Variants in SARAF observed in about 807,000 individuals in gnomAD.
SARAF encodes store-operated calcium entry associated regulatory factor, also known as store-operated calcium entry-associated regulatory factor.
SARAF carries 23 observed loss-of-function variants against 39.7 expected under a neutral mutation model. The ratio of observed to expected loss-of-function variants is 0.58; its 90% CI spans 0.42 to 0.82. The LOEUF (loss-of-function observed/expected upper bound fraction) is 0.82. Among genes scored for constraint, SARAF ranks in the 40% least tolerant of loss-of-function variants. The probability of loss-of-function intolerance (pLI) is 0.00; values close to 1 mark genes in which losing one functional copy is unlikely to be tolerated. For missense variants in SARAF, 384 were observed against 418.5 expected (o/e 0.92, Z 0.72); for synonymous variants, 175 against 168.5 (o/e 1.04, Z -0.30).
intron 5 of SARAF, chr8:30,065,738 G>T: frequency 4.5e-6 from 2 of 443,398 alleles, no homozygotes; most frequent in East Asian, 4.5e-5. Context: ...TTAAATATAT[G>T]GGGAAGCTAG....
At chr8:30,083,080 T>C (rs1802151005), upstream of SARAF, 52 of 614,268 alleles carry the variant, frequency 8.5e-5, 2 homozygotes, top group South Asian at 1.1e-3. Context: ...ACTGCAGAGC[T>C]GCAGCCGCAA....
In SARAF at chr8:30,063,747, A is replaced by G; in HGVS notation, c.*141T>C. 1 of 714,472 alleles carries G rather than the reference A, an allele frequency of 1.4e-6. No homozygotes were observed. The highest frequency in any genetic ancestry group is 2.4e-6 in the Non-Finnish European group (1 of 411,670). The allele number at this position is 714,472 out of a possible 1,614,324, so 44.3% of individuals were successfully genotyped here. ...TTTAGCCTCAAATAATAGAATACAA[A>G]AAGCTACACTGGACATAACACCACA... On this transcript the variant is annotated 3_prime_UTR_variant, in exon 6 of 6. Coordinates refer to ENST00000256255, the MANE Select transcript of SARAF (RefSeq NM_016127.6).
At position 30,069,952 on chromosome 8, in the gene SARAF, A is replaced by G; in HGVS notation, c.390T>C (p.Cys130=). Reference sequence around the variant, plus strand: ...TATAATCTAAATTATACTCCAAGCCACAAGAACCTCTTAGTACATACTGGT... The same window carrying G: ...TATAATCTAAATTATACTCCAAGCCGCAAGAACCTCTTAGTACATACTGGT... ...SEDQYVLRGS[C]GLEYNLDYTE... The change falls in exon 3 of 6, where the codon TGT becomes TGC. Residue 130 remains cysteine (C), a synonymous_variant. Coordinates refer to ENST00000256255, the MANE Select transcript of SARAF (RefSeq NM_016127.6). 6.2e-7 allele frequency: 1 copy of G among 1,614,012 alleles called. No individual in the cohort carries two copies. The highest frequency in any genetic ancestry group is 8.5e-7 in the Non-Finnish European group (1 of 1,180,028).
chr8:30,076,005 C>CACAAAAAAAGAAAAAAAAAAAAAAAAA (rs1801955604), intron 1 of SARAF, among the ~76,000 whole-genome samples: 1 of 111,032 alleles, frequency 9.0e-6, no homozygotes, highest in African/African-American at 3.8e-5. Context: ...AAAAAAAAAA[C>CACAAAAAAAGAAAAAAAAAAAAAAAAA]AAAAAACGGG....
At chr8:30,064,561 A>ATTTTTTT (rs869277681) in intron 5 of SARAF, among the ~76,000 whole-genome samples, 4 of 46,236 alleles carry the variant, frequency 8.7e-5, no homozygotes, top group African/African-American at 4.5e-4. Context: ...ATATATATAT[A>ATTTTTTT]TTTTTTTTTT....
intron 4 of SARAF, among the ~76,000 whole-genome samples, chr8:30,066,440 C>T (rs2117420980): frequency 6.6e-6 from 1 of 152,206 alleles, no homozygotes; most frequent in South Asian, 2.1e-4. Context: ...AAGCTCTTTC[C>T]AGCCTTATTT....
intron 1 of SARAF, chr8:30,078,201 A>C: frequency 2.4e-6 from 1 of 408,940 alleles, no homozygotes; most frequent in South Asian, 1.8e-5. Context: ...AAAAGAAAGA[A>C]AGAAAATTAC....
chr8:30,079,227 T>G (rs1802045932), intron 1 of SARAF, among the ~76,000 whole-genome samples: 1 of 149,784 alleles, frequency 6.7e-6, no homozygotes, highest in African/African-American at 2.5e-5. Context: ...AAGGAAATTG[T>G]GAAACAAAAG....
chr8:30,063,079 A>G lies in SARAF; in HGVS notation c.*809T>C, dbSNP rs1255490025. The G allele has an allele frequency of 2.0e-5, 3 of 152,242 alleles. No individual in the cohort carries two copies. Among genetic ancestry groups the G allele is most frequent in the Non-Finnish European group, 4.4e-5 (3 of 68,048 alleles). 9.4% of individuals were successfully genotyped at this position (152,242 alleles called of 1,614,324 possible). A position where few individuals can be genotyped will look rare whatever the true frequency, so the allele number is the denominator to read the frequency against. ...AACATTTATTTGCGCCTAGGCTAAT[A>G]GAAAGAATGAGACTAAACCCCTTGT... On this transcript the variant is annotated 3_prime_UTR_variant, in exon 6 of 6. Transcript: ENST00000256255.
Position 30,063,398 on chromosome 8 carries a change from G to C in SARAF, c.*490C>G, listed in dbSNP as rs955423780. The C allele has an allele frequency of 6.4e-6, 1 of 155,338 alleles. No homozygotes were observed. 9.6% of individuals were successfully genotyped at this position (155,338 alleles called of 1,614,324 possible). A position where few individuals can be genotyped will look rare whatever the true frequency, so the allele number is the denominator to read the frequency against. ...AAGCTTCAGAGCTCAAAAGTGATCAGAACTCACAAATTAGCATAATTAGTC... is the reference window on the plus strand; with the variant it reads ...AAGCTTCAGAGCTCAAAAGTGATCACAACTCACAAATTAGCATAATTAGTC... On this transcript the variant is annotated 3_prime_UTR_variant, in exon 6 of 6. Transcript: ENST00000256255.
At chr8:30,066,646 C>T in intron 4 of SARAF, 131 bp downstream of exon 4, 1 of 1,139,624 alleles carries the variant, frequency 8.8e-7, no homozygotes, top group Non-Finnish European at 1.3e-6. Context: ...TTCCCCCTTC[C>T]CAGAGAATCT....
At chr8:30,068,835 A>T (rs537609893) in intron 3 of SARAF, among the ~76,000 whole-genome samples, 1 of 152,168 alleles carries the variant, frequency 6.6e-6, no homozygotes, top group South Asian at 2.1e-4. Flanking sequence ...CACTCTCCTA[A>T]TAGTGCCTTT....
At chr8:30,067,798 A>G (rs1022912811) in intron 3 of SARAF, among the ~76,000 whole-genome samples, 1 of 152,140 alleles carries the variant, frequency 6.6e-6, no homozygotes, top group Non-Finnish European at 1.5e-5. Context: ...ATTTTTTGGC[A>G]GTTATAAATA....
At position 30,069,224 on chromosome 8, in the gene SARAF, C is replaced by A. The variant is rs553590026; in HGVS notation, c.700+418G>T. Among the ~76,000 whole-genome samples the A allele has an allele frequency of 1.0e-3, 148 of 147,882 alleles. 1 individual carries two copies. Among genetic ancestry groups the A allele is most frequent in the East Asian group, 5.2e-3 (26 of 5,030 alleles). ...GCGCAATCTCGGCTCACCGCAACCT[C>A]CACCTCCCGGGTTCAAGTGATTCTC... On this transcript the variant is annotated intron_variant, in intron 3 of 5. Coordinates refer to ENST00000256255, the MANE Select transcript of SARAF (RefSeq NM_016127.6).
chr8:30,065,790 G>C (rs1399487525), intron 5 of SARAF, 198 bp downstream of exon 5: 1 of 625,078 alleles, frequency 1.6e-6, no homozygotes, highest in Non-Finnish European at 2.8e-6. Context: ...CTATGGTAGA[G>C]CTAAGCCTAA....
intron 1 of SARAF, among the ~76,000 whole-genome samples, chr8:30,076,934 CA>C (rs1801980798): frequency 6.6e-6 from 1 of 152,032 alleles, no homozygotes; most frequent in African/African-American, 2.4e-5. Flanking sequence ...ATTAAACAGA[CA>C]AAACAGCCCC....
chr8:30,074,097 T>G (rs370047476), intron 1 of SARAF, 42 bp from the exon 2 acceptor site: 1 of 1,585,128 alleles, frequency 6.3e-7, no homozygotes, highest in East Asian at 2.3e-5. Context: ...GTAAGTATCG[T>G]GTCAGAGAAA....
At chr8:30,081,901 A>T (rs1802108061) in intron 1 of SARAF, among the ~76,000 whole-genome samples, 1 of 152,152 alleles carries the variant, frequency 6.6e-6, no homozygotes, top group Non-Finnish European at 1.5e-5. Context: ...GACATAAAAG[A>T]ACCTCTTTCC....
At chr8:30,070,092 A>G in intron 2 of SARAF, 33 bp from the exon 3 acceptor site, 2 of 1,491,138 alleles carry the variant, frequency 1.3e-6, no homozygotes, top group Non-Finnish European at 9.0e-7. Context: ...ACTATTAGAA[A>G]CAAACATTTT....
Sources: allele counts gnomAD v4.1 joint callset (sites outside exome capture counted in the v4.1 genomes callset), GRCh38; gene constraint gnomAD v4.1.1; transcripts MANE v1.5; gene names NCBI Gene and HGNC (gene_info 2026-07-23, HGNC 2026-07-21).